The following MYO6 variants were observed in gnomAD, a reference collection of about 807,000 sequenced individuals.
The protein encoded by MYO6 is myosin VI, also known as unconventional myosin-VI.
In MYO6, 74 loss-of-function variants were observed where a neutral mutation model predicts 178.7. That is an observed-to-expected ratio of 0.41 (90% CI 0.34 to 0.50). MYO6 has a LOEUF of 0.50. Among genes scored for constraint, MYO6 ranks in the 20% least tolerant of loss-of-function variants. The probability of loss-of-function intolerance (pLI) is 0.09; values close to 1 mark genes in which losing one functional copy is unlikely to be tolerated. For synonymous variants in MYO6, 477 were observed against 504.6 expected (o/e 0.95, Z 0.73); for missense variants, 1,330 against 1,547.4 (o/e 0.86, Z 2.36).
Position 75,913,956 on chromosome 6 carries a change from A to G in MYO6, c.3440-107A>G, listed in dbSNP as rs1780958979. 3.5e-6 allele frequency: 3 copies of G among 862,166 alleles called. No homozygotes were observed. In the African/African-American group the frequency reaches 5.2e-5, roughly 15 times the overall value. 53.4% of individuals were successfully genotyped at this position (862,166 alleles called of 1,614,324 possible). ...TTCATTTTGTTTTAAATTTACTATT[A>G]GGGACCTTTCTTCTTTTTAAAAAAT... On this transcript the variant is annotated intron_variant, in intron 33 of 34. Transcript: ENST00000369977.
At position 75,916,975 on chromosome 6, in the gene MYO6, T is replaced by C. The variant is rs1781156018; in HGVS notation, c.*1963T>C. 1.3e-5 allele frequency: 2 copies of C among 152,234 alleles called. No homozygotes were observed. The highest frequency in any genetic ancestry group is 1.9e-4 in the East Asian group (1 of 5,192). 9.4% of individuals were successfully genotyped at this position (152,234 alleles called of 1,614,324 possible). On this transcript the variant is annotated 3_prime_UTR_variant, in exon 35 of 35. Coordinates refer to ENST00000369977, the MANE Select transcript of MYO6 (RefSeq NM_004999.4). ...TGTCACACAGCTGTCCTAGAACTTA[T>C]CTATTTAAAATAGTTTCCTGAGTTA...
chr6:75,877,412 G>GC (rs1777649538), intron 20 of MYO6, among the ~76,000 whole-genome samples: 1 of 151,652 alleles, frequency 6.6e-6, no homozygotes. Context: ...GATTACAGGC[G>GC]CCCACCACCA....
At chr6:75,763,354 T>C (rs276698) in intron 1 of MYO6, among the ~76,000 whole-genome samples, 39,395 of 152,120 alleles carry the variant, frequency 0.26, 7,359 homozygotes, top group African/African-American at 0.53. Flanking sequence ...GAAAGCTTCC[T>C]ATTTAAAGGG....
chr6:75,767,878 T>G (rs564409056), intron 1 of MYO6, among the ~76,000 whole-genome samples: 1 of 152,246 alleles, frequency 6.6e-6, no homozygotes, highest in African/African-American at 2.4e-5. Flanking sequence ...AAAAATGAAT[T>G]TACTACAGAA....
intron 1 of MYO6, among the ~76,000 whole-genome samples, chr6:75,786,286 A>G (rs1407372392): frequency 6.6e-6 from 1 of 152,074 alleles, no homozygotes; most frequent in Non-Finnish European, 1.5e-5. Flanking sequence ...TTCATGCACT[A>G]TTACCACACT....
At chr6:75,873,887 C>A (rs1012119770) in intron 20 of MYO6, among the ~76,000 whole-genome samples, 1 of 152,186 alleles carries the variant, frequency 6.6e-6, no homozygotes, top group African/African-American at 2.4e-5. Flanking sequence ...CTCACCCTGC[C>A]ATGTCTGACC....
intron 9 of MYO6, among the ~76,000 whole-genome samples, chr6:75,844,027 TG>T (rs1174820658): frequency 6.6e-6 from 1 of 152,196 alleles, no homozygotes; most frequent in African/African-American, 2.4e-5. Flanking sequence ...CTGTTCTCTG[TG>T]TACATCCTTT....
intron 1 of MYO6, among the ~76,000 whole-genome samples, chr6:75,802,813 T>G (rs1051660448): frequency 7.9e-5 from 12 of 152,054 alleles, no homozygotes; most frequent in African/African-American, 2.9e-4. Context: ...CTAGCACAAA[T>G]TACAGAACTA....
Position 75,803,699 on chromosome 6 carries a change from G to A in MYO6, c.-47-13802G>A, listed in dbSNP as rs1769718518. Among the ~76,000 whole-genome samples, 2 of 152,006 alleles carry A rather than the reference G, an allele frequency of 1.3e-5. 1 individual carries two copies. The highest frequency in any genetic ancestry group is 4.1e-4 in the South Asian group (2 of 4,820). On this transcript the variant is annotated intron_variant, in intron 1 of 34. Coordinates refer to ENST00000369977, the MANE Select transcript of MYO6 (RefSeq NM_004999.4). ...GTTCAGATATTTTCTTCTTTGTCCC[G>A]AGTTTGGACTTAGTGATGGGTCTTT...
intron 1 of MYO6, among the ~76,000 whole-genome samples, chr6:75,806,297 A>G (rs897969532): frequency 6.6e-5 from 10 of 151,982 alleles, no homozygotes; most frequent in African/African-American, 2.2e-4. Context: ...CTGAGGCATG[A>G]GAATTGCTTG....
chr6:75,903,452 T>G (rs201744592), intron 30 of MYO6, among the ~76,000 whole-genome samples: 33,822 of 147,162 alleles, frequency 0.23, 4,632 homozygotes, highest in Middle Eastern at 0.36. Flanking sequence ...AGCTCTTCTT[T>G]TTGAATTGAT....
At chr6:75,853,521 G>A (rs1775462710) in intron 11 of MYO6, among the ~76,000 whole-genome samples, 1 of 152,122 alleles carries the variant, frequency 6.6e-6, no homozygotes, top group Non-Finnish European at 1.5e-5. Flanking sequence ...TATGGTTGAG[G>A]AAGGGGTCCA....
At position 75,805,591 on chromosome 6, in the gene MYO6, A is replaced by G. The variant is rs185301702; in HGVS notation, c.-47-11910A>G. Among the ~76,000 whole-genome samples the G allele has an allele frequency of 3.2e-3, 492 of 152,312 alleles. 9 individuals are homozygous for G. Among genetic ancestry groups the G allele is most frequent in the Non-Finnish European group, 1.3e-3 (87 of 68,020 alleles). On this transcript the variant is annotated intron_variant, in intron 1 of 34. Transcript: ENST00000369977. ...ATTAGTGTAGTAGCTTTGAAAAGCC[A>G]CGATTGCCTTCTGTGGATTACATGG...
chr6:75,806,387 CA>C (rs35917621), intron 1 of MYO6, among the ~76,000 whole-genome samples: 27,681 of 123,708 alleles, frequency 0.22, 2,664 homozygotes, highest in African/African-American at 0.32. Flanking sequence ...GACTCTGTCT[CA>C]AAAAAAAAAA....
At chr6:75,782,909 CTTT>C (rs397888755) in intron 1 of MYO6, among the ~76,000 whole-genome samples, 3 of 117,946 alleles carry the variant, frequency 2.5e-5, no homozygotes, top group Non-Finnish European at 3.4e-5. Flanking sequence ...AGCTAGTTAG[CTTT>C]TTTTTTTTTT....
At chr6:75,769,341 C>T (rs571450377) in intron 1 of MYO6, among the ~76,000 whole-genome samples, 1 of 152,348 alleles carries the variant, frequency 6.6e-6, no homozygotes, top group East Asian at 1.9e-4. Flanking sequence ...TCTCCTTCCA[C>T]CCATGAGCCT....
intron 18 of MYO6, among the ~76,000 whole-genome samples, chr6:75,870,050 C>G (rs1205968887): frequency 1.3e-5 from 2 of 151,672 alleles, no homozygotes; most frequent in Admixed American, 6.6e-5. Context: ...GGAGGTGGAG[C>G]TTGCAGTGAG....
chr6:75,828,056 T>G (rs570223455), intron 3 of MYO6, among the ~76,000 whole-genome samples: 178 of 152,248 alleles, frequency 1.2e-3, no homozygotes, highest in African/African-American at 4.2e-3. Flanking sequence ...AAGACATACA[T>G]AATTTCTCTA....
intron 1 of MYO6, among the ~76,000 whole-genome samples, chr6:75,786,515 A>G (rs1319250217): frequency 1.3e-5 from 2 of 152,228 alleles, no homozygotes; most frequent in Non-Finnish European, 2.9e-5. Flanking sequence ...CTTCTCACCT[A>G]AGGTCATAGT....
Sources: gnomAD v4.1 joint callset for allele counts (sites outside exome capture counted in the v4.1 genomes callset) on GRCh38, gnomAD v4.1.1 for gene constraint, MANE v1.5 for transcripts, NCBI Gene and HGNC (gene_info 2026-07-23, HGNC 2026-07-21) for gene names.